Variants in VDR observed in about 807,000 individuals in gnomAD.
VDR encodes vitamin D3 receptor.
Under a neutral mutation model 39.7 loss-of-function variants are expected in VDR, and 19 were observed. The ratio of observed to expected loss-of-function variants is 0.48; its 90% CI spans 0.33 to 0.70. The LOEUF is 0.70. Ranked by LOEUF, VDR falls within the 30% of genes least tolerant of loss-of-function variation. The pLI is 0.02. For missense variants in VDR, 442 were observed against 570.5 expected (o/e 0.77, Z 2.29); for synonymous variants, 242 against 215.8 (o/e 1.12, Z -1.07).
At chr12:47,903,174 C>G (rs967428947) in intron 1 of VDR, among the ~76,000 whole-genome samples, 1 of 152,146 alleles carries the variant, frequency 6.6e-6, no homozygotes, top group African/African-American at 2.4e-5. Context: ...TTTTCTAGTC[C>G]CTCCTTTAGC....
Position 47,843,493 on chromosome 12 carries a change from A to G in VDR, c.*1253T>C, listed in dbSNP as rs886049427. 1.4e-4 allele frequency: 21 copies of G among 151,634 alleles called. No homozygotes were observed. Among genetic ancestry groups the G allele is most frequent in the Non-Finnish European group, 1.5e-5 (1 of 67,880 alleles). The allele number at this position is 151,634 out of a possible 1,614,324, so 9.4% of individuals were successfully genotyped here. On this transcript the variant is annotated 3_prime_UTR_variant, in exon 10 of 10. Coordinates refer to ENST00000549336, the MANE Select transcript of VDR (RefSeq NM_000376.3). ...TGGAGTAAACGGACAGACGCTTCCCACCAGCTGGGCTGGGCTGGCTGCAGA... is the reference window on the plus strand; with the variant it reads ...TGGAGTAAACGGACAGACGCTTCCCGCCAGCTGGGCTGGGCTGGCTGCAGA...
intron 1 of VDR, among the ~76,000 whole-genome samples, chr12:47,888,419 C>A (rs7958422): frequency 3.3e-5 from 5 of 152,154 alleles, no homozygotes; most frequent in South Asian, 2.1e-4. Flanking sequence ...CTTCTTGGAG[C>A]GTGGCAGGAC....
intron 1 of VDR, among the ~76,000 whole-genome samples, chr12:47,894,532 C>T (rs1187310920): frequency 2.6e-5 from 4 of 152,174 alleles, no homozygotes; most frequent in African/African-American, 7.2e-5. Context: ...TCCGTCTCCG[C>T]CCCTGGGTGA....
chr12:47,859,870 C>CTTCT (rs1565615041), intron 4 of VDR, among the ~76,000 whole-genome samples: 1 of 25,386 alleles, frequency 3.9e-5, no homozygotes, highest in Non-Finnish European at 7.1e-5. Flanking sequence ...TCCTTCTTTC[C>CTTCT]TTCCTTCCTT....
At chr12:47,856,410 T>C (rs1471382813) in intron 6 of VDR, among the ~76,000 whole-genome samples, 2 of 152,178 alleles carry the variant, frequency 1.3e-5, no homozygotes, top group Non-Finnish European at 2.9e-5. Context: ...ACAAGTATAC[T>C]GTTTTCTTAT....
At chr12:47,853,887 A>T (rs1470546062) in intron 7 of VDR, among the ~76,000 whole-genome samples, 1 of 152,122 alleles carries the variant, frequency 6.6e-6, no homozygotes, top group African/African-American at 2.4e-5. Context: ...GCGCCATTGC[A>T]CTCCAGCCTA....
In VDR at chr12:47,841,745, C is replaced by T. The variant is rs1446266663; in HGVS notation, c.*3001G>A. ...TATCTCTAGCTTTCACTAAATCTGCCACACATTCCTGCCTTCTCTGTTGAC... is the reference window on the plus strand; with the variant it reads ...TATCTCTAGCTTTCACTAAATCTGCTACACATTCCTGCCTTCTCTGTTGAC... On this transcript the variant is annotated 3_prime_UTR_variant, in exon 10 of 10. Coordinates refer to ENST00000549336, the MANE Select transcript of VDR (RefSeq NM_000376.3). 6.6e-6 allele frequency: 1 copy of T among 152,360 alleles called. No individual in the cohort carries two copies. Among genetic ancestry groups the T allele is most frequent in the African/African-American group, 2.4e-5 (1 of 41,448 alleles). 9.4% of individuals were successfully genotyped at this position (152,360 alleles called of 1,614,324 possible).
chr12:47,876,411 T>A lies in VDR; in HGVS notation c.146+2557A>T, dbSNP rs191264824. On this transcript the variant is annotated intron_variant, in intron 3 of 9. Transcript: ENST00000549336. ...CATCCTCAAGCAAATGACAGACATG[T>A]TGGCTCTTTAGAATGTAGCAGCCTA... 1.9e-4 allele frequency among the ~76,000 whole-genome samples: 29 copies of A among 152,310 alleles called. No homozygotes were observed. The East Asian group carries it at 3.9e-3, about 20-fold the overall frequency.
chr12:47,892,253 G>A (rs1039248745), intron 1 of VDR, among the ~76,000 whole-genome samples: 9 of 152,180 alleles, frequency 5.9e-5, no homozygotes, highest in East Asian at 1.9e-4. Flanking sequence ...TTGCCCAAAC[G>A]TACCGTCTCC....
chr12:47,872,709 T>C (rs1279499127), intron 3 of VDR, among the ~76,000 whole-genome samples: 1 of 152,172 alleles, frequency 6.6e-6, no homozygotes, highest in African/African-American at 2.4e-5. Context: ...TCCTTCTGTT[T>C]AGGAACCTCT....
chr12:47,857,096 C>T, intron 6 of VDR, 33 bp downstream of exon 6: 1 of 1,613,520 alleles, frequency 6.2e-7, no homozygotes, highest in Non-Finnish European at 8.5e-7. Context: ...GCCCCCGCTC[C>T]CTTACTCTAT....
At chr12:47,888,597 C>T (rs1315752254) in intron 1 of VDR, among the ~76,000 whole-genome samples, 1 of 152,218 alleles carries the variant, frequency 6.6e-6, no homozygotes, top group East Asian at 1.9e-4. Flanking sequence ...TACTGCTCTC[C>T]AGGTAACAGG....
At chr12:47,893,065 C>G (rs1946398696) in intron 1 of VDR, among the ~76,000 whole-genome samples, 1 of 152,210 alleles carries the variant, frequency 6.6e-6, no homozygotes, top group Non-Finnish European at 1.5e-5. Context: ...GACGTAATAA[C>G]TGGCCACACT....
At chr12:47,871,319 T>TTTCTTTCTTTCC (rs1945864433) in intron 3 of VDR, among the ~76,000 whole-genome samples, 3 of 140,740 alleles carry the variant, frequency 2.1e-5, no homozygotes, top group South Asian at 2.4e-4. Context: ...TCTTTCTTTC[T>TTTCTTTCTTTCC]TTCTTTCTTT....
At chr12:47,879,173 G>A in intron 2 of VDR, 58 bp from the exon 3 acceptor site, 3 of 1,584,442 alleles carry the variant, frequency 1.9e-6, no homozygotes, top group Middle Eastern at 2.1e-4. Flanking sequence ...GGGCCAGCTG[G>A]CATCCTTGGT....
chr12:47,877,011 C>T (rs371231085), intron 3 of VDR, among the ~76,000 whole-genome samples: 5 of 152,178 alleles, frequency 3.3e-5, no homozygotes, highest in Admixed American at 6.5e-5. Flanking sequence ...ATATGACCTT[C>T]GGTGAGAATC....
intron 1 of VDR, chr12:47,898,288 A>G (rs899109734): frequency 2.6e-5 from 4 of 152,214 alleles, no homozygotes; most frequent in African/African-American, 7.2e-5. Flanking sequence ...TAATACAACT[A>G]TTATAGCTAA....
intron 3 of VDR, among the ~76,000 whole-genome samples, chr12:47,872,095 C>T (rs569110903): frequency 2.2e-4 from 34 of 152,302 alleles, no homozygotes; most frequent in African/African-American, 7.5e-4. Flanking sequence ...CATATTATGA[C>T]GTTACATTTA....
chr12:47,901,635 TG>T (rs1452700726), intron 1 of VDR: 1 of 153,448 alleles, frequency 6.5e-6, no homozygotes, highest in East Asian at 1.9e-4. Flanking sequence ...GCTGCTTACC[TG>T]CTTTACAGCC....
Sources: gnomAD v4.1 joint callset for allele counts (sites outside exome capture counted in the v4.1 genomes callset) on GRCh38, gnomAD v4.1.1 for gene constraint, MANE v1.5 for transcripts, NCBI Gene and HGNC (gene_info 2026-07-23, HGNC 2026-07-21) for gene names.